RAP1GAP2: variants seen among roughly 807,000 people sequenced by gnomAD.
The protein encoded by RAP1GAP2 is RAP1 GTPase activating protein 2.
RAP1GAP2 carries 27 observed loss-of-function variants against 95.0 expected under a neutral mutation model. The ratio of observed to expected loss-of-function variants is 0.28; its 90% CI spans 0.21 to 0.39. The LOEUF (loss-of-function observed/expected upper bound fraction) is 0.39. Among genes scored for constraint, RAP1GAP2 ranks in the 10% least tolerant of loss-of-function variants. The pLI, the probability that RAP1GAP2 is intolerant of heterozygous loss-of-function variation, is 1.00. For missense variants in RAP1GAP2, 771 were observed against 970.0 expected (o/e 0.79, Z 2.72); for synonymous variants, 373 against 380.9 (o/e 0.98, Z 0.24).
chr17:2,940,528 C>T (rs1442458270), intron 3 of RAP1GAP2, among the ~76,000 whole-genome samples: 4 of 152,242 alleles, frequency 2.6e-5, no homozygotes, highest in African/African-American at 4.8e-5. Context: ...GCTGGCCAGG[C>T]TGCGGGTCCC....
intron 1 of RAP1GAP2, among the ~76,000 whole-genome samples, chr17:2,788,294 T>G (rs975774287): frequency 1.6e-4 from 24 of 152,108 alleles, no homozygotes; most frequent in Admixed American, 1.4e-3. Flanking sequence ...TTTTGTGGGG[T>G]TTTTTTGTTT....
Position 2,917,427 on chromosome 17 carries a change from C to T in RAP1GAP2, c.165+12059C>T, listed in dbSNP as rs111279140. ...CTGGGATTACAGGCATGCGCCACCA[C>T]GCCCAGCTAATTTTATATTTTTAGT... On this transcript the variant is annotated intron_variant, in intron 3 of 24. Transcript: ENST00000254695. Among the ~76,000 whole-genome samples the T allele has an allele frequency of 3.3e-3, 508 of 152,226 alleles. 3 individuals carry two copies. Among genetic ancestry groups the T allele is most frequent in the African/African-American group, 0.011 (475 of 41,550 alleles).
In RAP1GAP2 at chr17:2,946,903, C is replaced by T. The variant is rs528484506; in HGVS notation, c.166-10856C>T. Among the ~76,000 whole-genome samples the T allele has an allele frequency of 7.9e-5, 12 of 152,278 alleles. No individual in the cohort carries two copies. The South Asian group carries it at 8.3e-4, about 11-fold the overall frequency. Reference sequence around the variant, plus strand: ...CCAAGTAGCTGGGATTATAGGCGCCCGCCACCACACCTGGTTCATTTTTGT... The same window carrying T: ...CCAAGTAGCTGGGATTATAGGCGCCTGCCACCACACCTGGTTCATTTTTGT... On this transcript the variant is annotated intron_variant, in intron 3 of 24. Coordinates refer to ENST00000254695, the MANE Select transcript of RAP1GAP2 (RefSeq NM_015085.5).
intron 2 of RAP1GAP2, among the ~76,000 whole-genome samples, chr17:2,826,613 G>C (rs983934044): frequency 1.3e-5 from 2 of 151,976 alleles, no homozygotes; most frequent in Admixed American, 1.3e-4. Flanking sequence ...GGAGGGGTGG[G>C]GCCTGAATGT....
chr17:3,008,269 CGTA>C lies in RAP1GAP2; in HGVS notation c.1494+125_1494+127del. 7.2e-7 allele frequency: 1 copy of C among 1,394,684 alleles called. No homozygotes were observed. The allele number at this position is 1,394,684 out of a possible 1,614,324, so 86.4% of individuals were successfully genotyped here. A position where few individuals can be genotyped will look rare whatever the true frequency, so the allele number is the denominator to read the frequency against. ...GGCCAGCTGGAGGGGTGACAGGAAA[CGTA>C]TGGGTATCCTAGGTGTTTGCAAAGG... On this transcript the variant is annotated intron_variant, in intron 17 of 24. Transcript: ENST00000254695. This position sits in a 1 kb window ranked among gnomAD's most constrained non-coding sequence, Gnocchi z 4.2.
intron 8 of RAP1GAP2, among the ~76,000 whole-genome samples, chr17:2,979,862 G>T (rs79024891): frequency 1.3e-5 from 2 of 152,024 alleles, no homozygotes; most frequent in African/African-American, 4.8e-5. Context: ...ACCTGAGGCC[G>T]ATCTGGCCTC....
intron 2 of RAP1GAP2, among the ~76,000 whole-genome samples, chr17:2,826,147 A>ATTTT (rs71150901): frequency 0.044 from 4,748 of 108,772 alleles, 155 homozygotes; most frequent in Non-Finnish European, 0.064. Context: ...CGCCCAGCAA[A>ATTTT]TTTTTTTTTT....
At chr17:2,923,158 G>C (rs1310356047) in intron 3 of RAP1GAP2, among the ~76,000 whole-genome samples, 1 of 151,274 alleles carries the variant, frequency 6.6e-6, no homozygotes, top group African/African-American at 2.4e-5. Flanking sequence ...TCCTGCCTCA[G>C]CCTCCCGAGC....
At chr17:2,967,378 A>G (rs2044660846) in intron 8 of RAP1GAP2, among the ~76,000 whole-genome samples, 2 of 150,966 alleles carry the variant, frequency 1.3e-5, no homozygotes, top group Admixed American at 1.3e-4. Context: ...CTCAACAACA[A>G]CAACGATGAC....
chr17:2,991,455 C>A, intron 12 of RAP1GAP2, 58 bp downstream of exon 12: 1 of 1,324,610 alleles, frequency 7.5e-7, no homozygotes, highest in Non-Finnish European at 1.1e-6. Context: ...AGAGGAAGGG[C>A]AAGACAGCTC....
rs1358888889 is a variant in RAP1GAP2 at position 2,819,063 on chromosome 17, G to A, written c.80+18513G>A. 3.3e-5 allele frequency among the ~76,000 whole-genome samples: 5 copies of A among 151,024 alleles called. No homozygotes were observed. The East Asian group carries it at 9.7e-4, about 29-fold the overall frequency. ...AGACAGAGTCTCACTCTGTCGCCCA[G>A]GCTGGAATGCAGTGGCGCGATCTTG... is the stretch of plus-strand genomic sequence containing the variant. On this transcript the variant is annotated intron_variant, in intron 2 of 24. Transcript: ENST00000254695.
At chr17:2,895,698 T>G (rs1007934270) in intron 2 of RAP1GAP2, among the ~76,000 whole-genome samples, 4 of 152,062 alleles carry the variant, frequency 2.6e-5, no homozygotes, top group Admixed American at 2.0e-4. Flanking sequence ...TGCCTCAGCC[T>G]CCCGAGTAGC....
intron 21 of RAP1GAP2, 115 bp from the exon 22 acceptor site, chr17:3,026,829 C>A: frequency 7.5e-7 from 1 of 1,325,022 alleles, no homozygotes; most frequent in Non-Finnish European, 1.0e-6. Context: ...AAGAGCAGGC[C>A]CAAGTGGGGA....
At chr17:2,818,341 A>T (rs180939401) in intron 2 of RAP1GAP2, among the ~76,000 whole-genome samples, 22 of 125,918 alleles carry the variant, frequency 1.7e-4, no homozygotes, top group African/African-American at 7.6e-4. Context: ...TTATTTATTT[A>T]TTTTTGAGAC....
At chr17:2,774,715 C>G (rs1398680608), upstream of RAP1GAP2, among the ~76,000 whole-genome samples, 1 of 151,920 alleles carries the variant, frequency 6.6e-6, no homozygotes, top group Non-Finnish European at 1.5e-5. Context: ...AGGTGATCCA[C>G]CCACCTTGGC....
rs199885275 is a variant in RAP1GAP2 at position 2,841,157 on chromosome 17, AAAAC to A, written c.80+40622_80+40625del. Among the ~76,000 whole-genome samples, 1,028 of 152,146 alleles carry A rather than the reference AAAAC, an allele frequency of 6.8e-3. 7 individuals carry two copies. Among genetic ancestry groups the A allele is most frequent in the African/African-American group, 0.023 (960 of 41,528 alleles). ...GCAAGAAGAGCTAAAGTCTGTCTCA[AAAAC>A]AAACAAACAAACAATAAAAAACATG... is the stretch of plus-strand genomic sequence containing the variant. On this transcript the variant is annotated intron_variant, in intron 2 of 24. Coordinates refer to ENST00000254695, the MANE Select transcript of RAP1GAP2 (RefSeq NM_015085.5).
chr17:2,829,568 T>C (rs561343328), intron 2 of RAP1GAP2, among the ~76,000 whole-genome samples: 71 of 152,240 alleles, frequency 4.7e-4, no homozygotes, highest in African/African-American at 1.6e-3. Flanking sequence ...GCAAAGCAGA[T>C]GGCACAGAAC....
At chr17:2,950,900 C>G (rs567228257) in intron 3 of RAP1GAP2, among the ~76,000 whole-genome samples, 1 of 152,126 alleles carries the variant, frequency 6.6e-6, no homozygotes, top group Non-Finnish European at 1.5e-5. Context: ...CGTGAGCCAC[C>G]GCGCCCGGCC....
chr17:2,826,481 T>C (rs1244499886), intron 2 of RAP1GAP2, among the ~76,000 whole-genome samples: 2 of 151,906 alleles, frequency 1.3e-5, no homozygotes, highest in African/African-American at 4.8e-5. Flanking sequence ...GCCGGCGAGA[T>C]GACGGGTGCC....
Sources: allele counts gnomAD v4.1 joint callset (sites outside exome capture counted in the v4.1 genomes callset), GRCh38; gene constraint gnomAD v4.1.1; non-coding constraint Gnocchi (gnomAD v3.1); transcripts MANE v1.5; gene names NCBI Gene and HGNC (gene_info 2026-07-23, HGNC 2026-07-21).